Variants in CSMD1 observed in about 807,000 individuals in gnomAD.
CSMD1 encodes the protein CUB and Sushi multiple domains 1.
In CSMD1, 213 loss-of-function variants were observed where a neutral mutation model predicts 417.5. The observed-to-expected ratio is 0.51, with a 90% confidence interval of 0.46 to 0.57. CSMD1 has a LOEUF of 0.57. CSMD1 is among the 20% of genes least tolerant of loss of function. CSMD1 has a pLI of 0.00. For missense variants in CSMD1, 6,923 were observed against 4,529.7 expected, an observed-to-expected ratio of 1.53 and a Z score of -15.17; for synonymous variants, 2,862 against 1,736.8, an observed-to-expected ratio of 1.65 and a Z score of -16.11.
At chr8:3,881,295 C>G (rs1329742357) in intron 5 of CSMD1, among the ~76,000 whole-genome samples, 25 of 148,618 alleles carry the variant, frequency 1.7e-4, no homozygotes, top group South Asian at 2.1e-4. Flanking sequence ...TAAGCCAATT[C>G]TAATATTTCC....
intron 51 of CSMD1, among the ~76,000 whole-genome samples, chr8:3,019,160 C>T (rs914574712): frequency 3.3e-5 from 5 of 152,190 alleles, no homozygotes; most frequent in Non-Finnish European, 5.9e-5. Context: ...TCAAGTGATC[C>T]TCCCACCCCA....
At chr8:4,145,502 C>G (rs1391487926) in intron 3 of CSMD1, among the ~76,000 whole-genome samples, 1 of 151,072 alleles carries the variant, frequency 6.6e-6, no homozygotes, top group Non-Finnish European at 1.5e-5. Flanking sequence ...TGAGCCCTGT[C>G]ACCCTCAAAC....
intron 3 of CSMD1, among the ~76,000 whole-genome samples, chr8:4,224,312 T>G (rs757382430): frequency 2.0e-5 from 3 of 152,228 alleles, no homozygotes; most frequent in Non-Finnish European, 4.4e-5. Flanking sequence ...TAAGATATTT[T>G]AACCAGTCCA....
At chr8:3,690,869 T>C (rs115934392) in intron 7 of CSMD1, among the ~76,000 whole-genome samples, 11 of 152,292 alleles carry the variant, frequency 7.2e-5, no homozygotes, top group East Asian at 1.9e-4. Context: ...CCCAAATACA[T>C]TGATTTCATT....
intron 12 of CSMD1, among the ~76,000 whole-genome samples, chr8:3,427,081 G>C (rs557001445): frequency 5.9e-5 from 9 of 152,234 alleles, no homozygotes; most frequent in African/African-American, 2.2e-4. Flanking sequence ...CAGCATAGTG[G>C]AAACCATCCC....
At chr8:3,402,942 T>C (rs1387227173) in intron 15 of CSMD1, among the ~76,000 whole-genome samples, 2 of 152,174 alleles carry the variant, frequency 1.3e-5, no homozygotes, top group Non-Finnish European at 2.9e-5. Context: ...GGTTTTGCTG[T>C]CTCACATTGT....
chr8:4,242,760 C>G (rs150803463), intron 3 of CSMD1, among the ~76,000 whole-genome samples: 1 of 152,156 alleles, frequency 6.6e-6, no homozygotes, highest in South Asian at 2.1e-4. Flanking sequence ...CTGAACATCC[C>G]TGGATGGAAA....
rs138950474 is a variant in CSMD1 at position 3,089,428 on chromosome 8, G to A, written c.7285+2088C>T. ...AATTGTCCAGAACCACTGTTCGCAG[G>A]CATTTCTTTGTCGTTTTTAACTCGG... On this transcript the variant is annotated intron_variant, in intron 48 of 69. Transcript: ENST00000635120. Among the ~76,000 whole-genome samples the A allele has an allele frequency of 4.0e-3, 609 of 152,286 alleles. 1 individual carries two copies. The highest frequency in any genetic ancestry group is 0.014 in the African/African-American group (581 of 41,574).
rs146107139 is a variant in CSMD1 at position 4,580,252 on chromosome 8, G to A, written c.302+57090C>T. Among the ~76,000 whole-genome samples, 1,009 of 152,228 alleles carry A rather than the reference G, an allele frequency of 6.6e-3. 28 individuals carry two copies. Among genetic ancestry groups the A allele is most frequent in the Admixed American group, 0.055 (838 of 15,296 alleles). On this transcript the variant is annotated intron_variant, in intron 2 of 69. Coordinates refer to ENST00000635120, the MANE Select transcript of CSMD1 (RefSeq NM_033225.6). The stretch of plus-strand genomic sequence containing the variant: ...TGGGTACTGCCTTAACACGCCCTCT[G>A]CTCTCGGCTGTGGTCATCACCCAGC...
intron 1 of CSMD1, among the ~76,000 whole-genome samples, chr8:4,766,906 G>C (rs947646525): frequency 6.6e-6 from 1 of 152,166 alleles, no homozygotes; most frequent in Admixed American, 6.5e-5. Context: ...CGCAGGGCTT[G>C]AAGATTAGGC....
intron 1 of CSMD1, among the ~76,000 whole-genome samples, chr8:4,850,326 G>A (rs192060223): frequency 2.1e-5 from 3 of 141,400 alleles, no homozygotes; most frequent in East Asian, 4.2e-4. Flanking sequence ...TGTTTTTACT[G>A]TCTTAATGGT....
intron 4 of CSMD1, among the ~76,000 whole-genome samples, chr8:4,023,861 C>A (rs1796920640): frequency 6.7e-6 from 1 of 149,390 alleles, no homozygotes; most frequent in African/African-American, 2.5e-5. Flanking sequence ...TCGGGATCTG[C>A]CCGCCTTGGC....
chr8:3,635,368 G>A (rs1172342080), intron 7 of CSMD1, among the ~76,000 whole-genome samples: 1 of 152,038 alleles, frequency 6.6e-6, no homozygotes, highest in Non-Finnish European at 1.5e-5. Context: ...CAGCTACTCG[G>A]GAGGCTGAGG....
chr8:4,305,088 G>T (rs886804633), intron 3 of CSMD1, among the ~76,000 whole-genome samples: 1 of 152,138 alleles, frequency 6.6e-6, no homozygotes, highest in African/African-American at 2.4e-5. Flanking sequence ...AATCACAACA[G>T]GTTCCATGCC....
intron 5 of CSMD1, among the ~76,000 whole-genome samples, chr8:3,816,284 G>A (rs1346347917): frequency 6.6e-6 from 1 of 152,172 alleles, no homozygotes; most frequent in African/African-American, 2.4e-5. Flanking sequence ...CTAGCCAGTT[G>A]TTCCTCATTC....
intron 6 of CSMD1, among the ~76,000 whole-genome samples, chr8:3,734,559 A>C (rs546319175): frequency 5.3e-5 from 8 of 152,284 alleles, no homozygotes; most frequent in African/African-American, 1.7e-4. Flanking sequence ...AAAAATACCC[A>C]AAATAGCTAG....
At chr8:3,533,027 T>C (rs936274705) in intron 10 of CSMD1, among the ~76,000 whole-genome samples, 2 of 152,234 alleles carry the variant, frequency 1.3e-5, no homozygotes, top group Non-Finnish European at 2.9e-5. Flanking sequence ...TAATGTGTTT[T>C]AAGGGCAAAG....
intron 3 of CSMD1, among the ~76,000 whole-genome samples, chr8:4,094,887 A>G (rs1800918800): frequency 6.6e-6 from 1 of 152,326 alleles, no homozygotes; most frequent in African/African-American, 2.4e-5. Context: ...ATGTTAAAAG[A>G]CAGATTGAAG....
chr8:4,959,472 T>C (rs1294226867), intron 1 of CSMD1, among the ~76,000 whole-genome samples: 1 of 152,228 alleles, frequency 6.6e-6, no homozygotes, highest in Non-Finnish European at 1.5e-5. Flanking sequence ...GGCAACGCCC[T>C]CAGGATATCC....
Sources: gnomAD v4.1 joint callset for allele counts (sites outside exome capture counted in the v4.1 genomes callset) on GRCh38, gnomAD v4.1.1 for gene constraint, MANE v1.5 for transcripts, NCBI Gene and HGNC (gene_info 2026-07-23, HGNC 2026-07-21) for gene names.